MEGF10: variants seen among roughly 807,000 people sequenced by gnomAD.
The protein encoded by MEGF10 is multiple epidermal growth factor-like domains protein 10.
A neutral mutation model predicts 147.5 loss-of-function variants in MEGF10; 86 were observed. The observed-to-expected ratio is 0.58, with a 90% confidence interval of 0.49 to 0.70. MEGF10 has a LOEUF of 0.70. Among genes scored for constraint, MEGF10 ranks in the 30% least tolerant of loss-of-function variants. The pLI is 0.00. For missense variants in MEGF10, 1,329 were observed against 1,487.3 expected (o/e 0.89, Z 1.75); for synonymous variants, 478 against 525.5 (o/e 0.91, Z 1.24).
chr5:127,325,909 A>T (rs201001691), intron 1 of MEGF10, among the ~76,000 whole-genome samples: 58,435 of 104,878 alleles, frequency 0.56, 13,091 homozygotes, highest in Middle Eastern at 0.63. Flanking sequence ...ATATATATAT[A>T]TTTTTTTTTT....
At chr5:127,354,707 C>T (rs1762214046) in intron 4 of MEGF10, among the ~76,000 whole-genome samples, 1 of 152,218 alleles carries the variant, frequency 6.6e-6, no homozygotes, top group Non-Finnish European at 1.5e-5. Flanking sequence ...ATACCTACCT[C>T]TGTCATTTAA....
At chr5:127,250,183 A>G in the MEGF10 span, among the ~76,000 whole-genome samples, 1 of 152,052 alleles carries the variant, frequency 6.6e-6, no homozygotes, top group South Asian at 2.1e-4. Context: ...AGACTTCAAG[A>G]TGAGGATTGT....
At chr5:127,383,726 T>C (rs1580793445) in intron 5 of MEGF10, among the ~76,000 whole-genome samples, 1 of 151,426 alleles carries the variant, frequency 6.6e-6, no homozygotes, top group East Asian at 2.0e-4. Context: ...TTATCTGCCA[T>C]GTTTTATTTC....
At chr5:127,417,949 G>A (rs1481007430) in intron 10 of MEGF10, 137 bp downstream of exon 10, 1 of 914,018 alleles carries the variant, frequency 1.1e-6, no homozygotes, top group Non-Finnish European at 1.6e-6. Context: ...GAGAGAAAAT[G>A]AGGGGAAAAA....
At chr5:127,430,143 C>T (rs1216964942) in intron 13 of MEGF10, among the ~76,000 whole-genome samples, 2 of 152,148 alleles carry the variant, frequency 1.3e-5, no homozygotes, top group East Asian at 3.8e-4. Flanking sequence ...CCAGGCAGAG[C>T]AGGGTGTGCC....
chr5:127,409,384 G>A (rs558666231), intron 8 of MEGF10, among the ~76,000 whole-genome samples: 5 of 152,220 alleles, frequency 3.3e-5, no homozygotes, highest in Non-Finnish European at 5.9e-5. Flanking sequence ...GCAAGTGCTC[G>A]GCTGGGCAAA....
At chr5:127,385,419 C>T (rs1763392426) in intron 5 of MEGF10, among the ~76,000 whole-genome samples, 1 of 151,960 alleles carries the variant, frequency 6.6e-6, no homozygotes, top group South Asian at 2.1e-4. Flanking sequence ...ATTACAGGTA[C>T]GCACCACCAT....
At chr5:127,412,655 G>A (rs1396760155) in intron 9 of MEGF10, among the ~76,000 whole-genome samples, 1 of 151,524 alleles carries the variant, frequency 6.6e-6, no homozygotes, top group Non-Finnish European at 1.5e-5. Context: ...GTAAGGGTTT[G>A]TATCAGGTAG....
intron 2 of MEGF10, among the ~76,000 whole-genome samples, chr5:127,332,671 A>ATT (rs1190912660): frequency 6.6e-6 from 1 of 152,202 alleles, no homozygotes; most frequent in Non-Finnish European, 1.5e-5. Context: ...AGTTCTATAT[A>ATT]TTTGTGGTAT....
At chr5:127,406,837 C>A (rs1311716346) in intron 8 of MEGF10, among the ~76,000 whole-genome samples, 1 of 152,130 alleles carries the variant, frequency 6.6e-6, no homozygotes. Flanking sequence ...TTAAAAAACA[C>A]CTTCTGAAGG....
chr5:127,399,071 AAG>A (rs530664703), intron 7 of MEGF10, among the ~76,000 whole-genome samples: 4 of 152,260 alleles, frequency 2.6e-5, no homozygotes, highest in Non-Finnish European at 5.9e-5. Flanking sequence ...GGATAAAAAA[AAG>A]AGAGACAAAT....
rs1760425322 is a variant in MEGF10 at position 127,314,224 on chromosome 5, T to C, written c.-18-17067T>C. Among the ~76,000 whole-genome samples the C allele has an allele frequency of 2.0e-5, 3 of 152,236 alleles. No individual in the cohort carries two copies. The South Asian group carries it at 6.2e-4, about 32-fold the overall frequency. On this transcript the variant is annotated intron_variant, in intron 1 of 24. Transcript: ENST00000503335. ...TGATCTCTTGACTCTCCTCAAGTGC[T>C]CAATATACTTTAATGTTTCATGACT...
At position 127,457,340 on chromosome 5, in the gene MEGF10, C is replaced by T. The variant is rs770979380; in HGVS notation, c.*22C>T. On this transcript the variant is annotated 3_prime_UTR_variant, in exon 25 of 25. Coordinates refer to ENST00000503335, the MANE Select transcript of MEGF10 (RefSeq NM_001256545.2). ...ATGACACCAAAGGACCGCTTGGTAG[C>T]CACTGGAACCCTTTCCAGAACTGCT... The T allele has an allele frequency of 2.9e-5, 46 of 1,603,260 alleles. No individual in the cohort carries two copies. The highest frequency in any genetic ancestry group is 1.7e-4 in the Middle Eastern group (1 of 6,030).
At chr5:127,375,214 C>T (rs1437919019) in intron 5 of MEGF10, among the ~76,000 whole-genome samples, 4 of 110,420 alleles carry the variant, frequency 3.6e-5, no homozygotes, top group South Asian at 5.8e-4. Context: ...AACTGTCCTA[C>T]ATAGCTGTCT....
chr5:127,252,077 T>C, the MEGF10 span, among the ~76,000 whole-genome samples: 23 of 152,070 alleles, frequency 1.5e-4, 1 homozygote, highest in East Asian at 4.4e-3. Flanking sequence ...TAATCAATTT[T>C]CACTAATCAG....
chr5:127,287,348 TGAAAAA>T (rs1242075598), upstream of MEGF10, among the ~76,000 whole-genome samples: 1 of 151,828 alleles, frequency 6.6e-6, no homozygotes, highest in East Asian at 1.9e-4. Context: ...CTAAGCAAAC[TGAAAAA>T]GAAAAACTAC....
At chr5:127,370,024 T>C in intron 5 of MEGF10, 22 bp downstream of exon 5, 1 of 1,597,164 alleles carries the variant, frequency 6.3e-7, no homozygotes, top group Non-Finnish European at 8.6e-7. Flanking sequence ...CCTGCTGTTG[T>C]CTGTCTCGGG....
At chr5:127,334,372 A>G (rs958568369) in intron 2 of MEGF10, among the ~76,000 whole-genome samples, 1 of 152,084 alleles carries the variant, frequency 6.6e-6, no homozygotes, top group African/African-American at 2.4e-5. Context: ...CTCAGGTCCC[A>G]CCCCAGACCT....
intron 5 of MEGF10, among the ~76,000 whole-genome samples, chr5:127,391,096 G>GCACACA (rs1413153325): frequency 1.0e-4 from 3 of 29,366 alleles, no homozygotes; most frequent in African/African-American, 2.2e-4. Context: ...ATGCGCGCGC[G>GCACACA]CGCGCGCACA....
Sources: allele counts gnomAD v4.1 joint callset (sites outside exome capture counted in the v4.1 genomes callset), GRCh38; gene constraint gnomAD v4.1.1; transcripts MANE v1.5; gene names NCBI Gene and HGNC (gene_info 2026-07-23, HGNC 2026-07-21).